The following CEP85L variants were observed in gnomAD, a reference collection of about 807,000 sequenced individuals.
CEP85L encodes centrosomal protein 85L, also known as centrosomal protein of 85 kDa-like.
CEP85L carries 60 observed loss-of-function variants against 100.3 expected under a neutral mutation model. That is an observed-to-expected ratio of 0.60 (90% CI 0.49 to 0.74). CEP85L has a LOEUF of 0.74. CEP85L is among the 30% of genes least tolerant of loss of function. The pLI is 0.00. For missense variants in CEP85L, 973 were observed against 936.2 expected (o/e 1.04, Z -0.51); for synonymous variants, 319 against 322.7 (o/e 0.99, Z 0.12).
chr6:118,689,744 C>T (rs1776968709), intron 1 of CEP85L, among the ~76,000 whole-genome samples: 1 of 152,132 alleles, frequency 6.6e-6, no homozygotes, highest in African/African-American at 2.4e-5. Context: ...ACAATTCGTT[C>T]ATTCAAGCAT....
intron 3 of CEP85L, among the ~76,000 whole-genome samples, chr6:118,538,701 T>C (rs1777740592): frequency 1.4e-5 from 2 of 141,440 alleles, no homozygotes; most frequent in African/African-American, 5.1e-5. Flanking sequence ...ACTTACTTTC[T>C]TTAAGCAAAT....
rs1772304503 is a variant in CEP85L at position 118,462,921 on chromosome 6, C to CTG, written c.*2482_*2483dup. 6.6e-6 allele frequency: 1 copy of CTG among 151,924 alleles called. No individual in the cohort carries two copies. Among genetic ancestry groups the CTG allele is most frequent in the Non-Finnish European group, 1.5e-5 (1 of 67,872 alleles). 9.4% of individuals were successfully genotyped at this position (151,924 alleles called of 1,614,324 possible). A position where few individuals can be genotyped will look rare whatever the true frequency, so the allele number is the denominator to read the frequency against. On this transcript the variant is annotated 3_prime_UTR_variant, in exon 13 of 13. Transcript: ENST00000368491. ...CACAAAATCCCTCCAAGTCTATCTACTGTTTATGTAGGCCCCTTTACAAAC... is the reference window on the plus strand; with the variant it reads ...CACAAAATCCCTCCAAGTCTATCTACTGTGTTTATGTAGGCCCCTTTACAAAC...
chr6:118,558,587 GGAGA>G (rs929114691), intron 3 of CEP85L, among the ~76,000 whole-genome samples: 3 of 128,210 alleles, frequency 2.3e-5, no homozygotes, highest in Middle Eastern at 4.4e-3. Context: ...CATCAAAAAA[GGAGA>G]GAAAGAGAGA....
At position 118,558,626 on chromosome 6, in the gene CEP85L, T is replaced by TACAC. The variant is rs371775061; in HGVS notation, c.1020+6899_1020+6902dup. ...ACAGACACATAGAAACACGTGCACA[T>TACAC]ACACACACACACACACACACACACA... is the stretch of plus-strand genomic sequence containing the variant. On this transcript the variant is annotated intron_variant, in intron 3 of 12. Coordinates refer to ENST00000368491, the MANE Select transcript of CEP85L (RefSeq NM_001042475.3). Among the ~76,000 whole-genome samples, 8,279 of 111,334 alleles carry TACAC rather than the reference T, an allele frequency of 0.074. 315 individuals are homozygous for TACAC. Among genetic ancestry groups the TACAC allele is most frequent in the Non-Finnish European group, 0.1 (5,341 of 52,794 alleles). 73.0% of individuals were successfully genotyped at this position (111,334 alleles called of 152,430 possible).
intron 1 of CEP85L, among the ~76,000 whole-genome samples, chr6:118,637,703 C>CAA (rs11388747): frequency 0.099 from 4,463 of 45,044 alleles, 697 homozygotes; most frequent in African/African-American, 0.15. Context: ...AAGACTGTCT[C>CAA]AAAAAAAAAA....
intron 10 of CEP85L, among the ~76,000 whole-genome samples, chr6:118,478,049 T>C (rs1037145296): frequency 7.2e-5 from 11 of 152,150 alleles, no homozygotes; most frequent in African/African-American, 2.4e-4. Flanking sequence ...TTTAAGGAAG[T>C]AGAAAGTGAA....
intron 2 of CEP85L, 149 bp downstream of exon 2, chr6:118,632,304 T>G (rs1165885196): frequency 1.5e-5 from 10 of 655,718 alleles, no homozygotes; most frequent in Non-Finnish European, 2.3e-5. Flanking sequence ...GAGGGACAAT[T>G]TTATTTGATA....
chr6:118,669,816 A>G lies in CEP85L; in HGVS notation c.-27-17008T>C, dbSNP rs186957576. Reference sequence around the variant, plus strand: ...GAGTTGGGGTTTGGAGGCAGATGATAGAGAGGAAAGTTAGAGTTACAACCA... The same window carrying G: ...GAGTTGGGGTTTGGAGGCAGATGATGGAGAGGAAAGTTAGAGTTACAACCA... On this transcript the variant is annotated intron_variant, in intron 1 of 13. Coordinates refer to the CEP85L transcript ENST00000368488. Among the ~76,000 whole-genome samples, 7 of 151,782 alleles carry G rather than the reference A, an allele frequency of 4.6e-5. No homozygotes were observed. In the East Asian group the frequency reaches 1.4e-3, roughly 29 times the overall value.
intron 6 of CEP85L, among the ~76,000 whole-genome samples, chr6:118,490,685 T>TA (rs1423239477): frequency 1.3e-5 from 2 of 152,180 alleles, no homozygotes; most frequent in East Asian, 3.8e-4. Context: ...TCCAAAATGC[T>TA]AAAAATCCAA....
intron 3 of CEP85L, among the ~76,000 whole-genome samples, chr6:118,535,461 A>C (rs1293895333): frequency 6.6e-6 from 1 of 152,242 alleles, no homozygotes; most frequent in Non-Finnish European, 1.5e-5. Context: ...TCCTCATATA[A>C]TCGCAGTTTC....
At chr6:118,526,107 A>G (rs1776948143) in intron 3 of CEP85L, among the ~76,000 whole-genome samples, 1 of 152,222 alleles carries the variant, frequency 6.6e-6, no homozygotes, top group South Asian at 2.1e-4. Context: ...ATATTTCAAA[A>G]GTGACACATA....
chr6:118,529,134 T>C (rs1320860824), intron 3 of CEP85L, among the ~76,000 whole-genome samples: 4 of 152,232 alleles, frequency 2.6e-5, no homozygotes, highest in Admixed American at 6.5e-5. Flanking sequence ...TGTGTTCAAA[T>C]TGATTCTTCC....
chr6:118,706,052 C>T (rs1441838727), intron 1 of CEP85L, among the ~76,000 whole-genome samples: 2 of 152,130 alleles, frequency 1.3e-5, no homozygotes, highest in Non-Finnish European at 2.9e-5. Context: ...GTATCACGGC[C>T]GTCTATGTAG....
chr6:118,613,705 C>T (rs963658535), intron 2 of CEP85L, among the ~76,000 whole-genome samples: 1 of 146,218 alleles, frequency 6.8e-6, no homozygotes, highest in East Asian at 2.0e-4. Context: ...TGTGGTGACC[C>T]GAGATCGCAC....
At chr6:118,683,608 T>C (rs1156651745) in intron 1 of CEP85L, among the ~76,000 whole-genome samples, 1 of 152,220 alleles carries the variant, frequency 6.6e-6, no homozygotes, top group East Asian at 1.9e-4. Context: ...CTTGTCAACA[T>C]AGGTAACAGA....
chr6:118,599,448 A>G (rs1781612219), intron 2 of CEP85L, among the ~76,000 whole-genome samples: 1 of 152,212 alleles, frequency 6.6e-6, no homozygotes, highest in African/African-American at 2.4e-5. Flanking sequence ...TAAATGATTG[A>G]ATAAATAAAT....
upstream of CEP85L, chr6:118,652,678 A>G: frequency 6.5e-7 from 1 of 1,527,960 alleles, no homozygotes; most frequent in Non-Finnish European, 8.9e-7. Flanking sequence ...AATTAGATTT[A>G]GGTGTGTGTT....
intron 1 of CEP85L, among the ~76,000 whole-genome samples, chr6:118,660,803 CT>C (rs1775946028): frequency 6.6e-6 from 1 of 152,178 alleles, no homozygotes; most frequent in African/African-American, 2.4e-5. Flanking sequence ...ACCTTGAGTT[CT>C]CTGAATCTGG....
intron 1 of CEP85L, among the ~76,000 whole-genome samples, chr6:118,695,992 G>A (rs4945624): frequency 2.0e-5 from 3 of 152,000 alleles, no homozygotes; most frequent in South Asian, 4.2e-4. Context: ...GTTAGGAGGC[G>A]GGGCATGGTG....
Sources: allele counts gnomAD v4.1 joint callset (sites outside exome capture counted in the v4.1 genomes callset), GRCh38; gene constraint gnomAD v4.1.1; transcripts MANE v1.5; gene names NCBI Gene and HGNC (gene_info 2026-07-23, HGNC 2026-07-21).